SNPH: variants seen among roughly 807,000 people sequenced by gnomAD.
SNPH encodes the protein syntaphilin.
SNPH carries 10 observed loss-of-function variants against 36.8 expected under a neutral mutation model. The observed-to-expected ratio is 0.27, with a 90% CI of 0.17 to 0.46. The LOEUF (loss-of-function observed/expected upper bound fraction) is 0.46, where lower values mean the gene tolerates loss of function less well. SNPH is among the 20% of genes least tolerant of loss of function. The pLI, the probability that SNPH is intolerant of heterozygous loss-of-function variation, is 1.00. For synonymous variants in SNPH, 281 were observed against 312.2 expected, an observed-to-expected ratio of 0.90 and a Z score of 1.05; for missense variants, 622 against 744.0, an observed-to-expected ratio of 0.84 and a Z score of 1.91.
rs1420386705 is a variant in SNPH, at chr20:1,296,430, C to T, written c.182+9C>T. ...TCTGCTGGATCACGCAGGTGAGTCTCCCCCTCGCTCACAGCCTAGGCTTCG... is the reference window on the plus strand; with the variant it reads ...TCTGCTGGATCACGCAGGTGAGTCTTCCCCTCGCTCACAGCCTAGGCTTCG... On this transcript the variant is annotated intron_variant, in intron 4 of 6. Coordinates refer to ENST00000381867, the MANE Select transcript of SNPH (RefSeq NM_001318234.2). 3 of 1,587,520 alleles carry T rather than the reference C, an allele frequency of 1.9e-6. No individual in the cohort carries two copies. The highest frequency in any genetic ancestry group is 2.6e-6 in the Non-Finnish European group (3 of 1,169,272).
At chr20:1,272,932 C>T (rs2088089486) in intron 2 of SNPH, among the ~76,000 whole-genome samples, 1 of 152,244 alleles carries the variant, frequency 6.6e-6, no homozygotes, top group Non-Finnish European at 1.5e-5. Context: ...AGCCACGCCT[C>T]CCTACCACAG....
chr20:1,289,554 CACAA>C (rs2088329180), intron 2 of SNPH, among the ~76,000 whole-genome samples: 1 of 106,800 alleles, frequency 9.4e-6, no homozygotes, highest in African/African-American at 3.4e-5. Flanking sequence ...CACACACACA[CACAA>C]TGGAGTCAGG....
intron 2 of SNPH, among the ~76,000 whole-genome samples, chr20:1,291,006 A>T (rs2088354213): frequency 6.6e-6 from 1 of 152,258 alleles, no homozygotes; most frequent in Non-Finnish European, 1.5e-5. Flanking sequence ...AACACATACG[A>T]GAGGAGCCTC....
At chr20:1,275,224 C>T (rs943143494) in intron 2 of SNPH, among the ~76,000 whole-genome samples, 3 of 152,186 alleles carry the variant, frequency 2.0e-5, no homozygotes, top group Non-Finnish European at 4.4e-5. Context: ...AATTGTGTTA[C>T]CCCCTGGGCC....
At chr20:1,277,747 CTGTGTG>C (rs748590263) in intron 2 of SNPH, among the ~76,000 whole-genome samples, 1 of 99,538 alleles carries the variant, frequency 1.0e-5, no homozygotes, top group Non-Finnish European at 2.0e-5. Context: ...TGTCGTGTGT[CTGTGTG>C]TGTGTGTGTC....
chr20:1,277,680 C>T (rs1436882009), intron 2 of SNPH, among the ~76,000 whole-genome samples: 3 of 94,026 alleles, frequency 3.2e-5, no homozygotes, highest in African/African-American at 1.3e-4. Context: ...CCGTGTGTGT[C>T]CATGTGTGTG....
chr20:1,290,085 GC>G (rs2088338809), intron 2 of SNPH, among the ~76,000 whole-genome samples: 1 of 151,832 alleles, frequency 6.6e-6, no homozygotes, highest in South Asian at 2.1e-4. Flanking sequence ...GGTTGTGCGT[GC>G]CTGTAATCCC....
Position 1,266,649 on chromosome 20 carries a change from C to A in SNPH, c.-599-5C>A. ...CCGGTCTATCTCTTTTTCCTAACCCCGCAGGTCGCTGATCAGGGCCAGGCG... is the reference window on the plus strand; with the variant it reads ...CCGGTCTATCTCTTTTTCCTAACCCAGCAGGTCGCTGATCAGGGCCAGGCG... On this transcript the variant is annotated splice_region_variant and splice_polypyrimidine_tract_variant and intron_variant, in intron 1 of 6. Coordinates refer to ENST00000381867, the MANE Select transcript of SNPH (RefSeq NM_001318234.2). This position sits in a 1 kb window ranked among gnomAD's most constrained non-coding sequence, Gnocchi z 6.0. 1 of 1,488,298 alleles carries A rather than the reference C, an allele frequency of 6.7e-7. No homozygotes were observed. The highest frequency in any genetic ancestry group is 1.3e-5 in the South Asian group (1 of 77,276). The allele number at this position is 1,488,298 out of a possible 1,614,324, so 92.2% of individuals were successfully genotyped here.
rs2122381022 is a variant in SNPH, at chr20:1,294,231, TG to T, written c.-492-717del. On this transcript the variant is annotated intron_variant, in intron 2 of 6. Transcript: ENST00000381867. This position sits in a 1 kb window ranked among gnomAD's most constrained non-coding sequence, Gnocchi z 4.4. ...CTTGAAGGATTGCTGCTTCAAGTAA[TG>T]GGCCAAGGCAGACGAGAGCACTCAG... Among the ~76,000 whole-genome samples the T allele has an allele frequency of 6.6e-6, 1 of 152,272 alleles. No homozygotes were observed. The highest frequency in any genetic ancestry group is 1.9e-4 in the East Asian group (1 of 5,174).
At chr20:1,277,878 T>C (rs1350367928) in intron 2 of SNPH, among the ~76,000 whole-genome samples, 9 of 145,130 alleles carry the variant, frequency 6.2e-5, no homozygotes, top group Admixed American at 6.2e-4. Context: ...TGTGTCTGTC[T>C]GTGCCGATGT....
chr20:1,266,431 A>T lies in SNPH; in HGVS notation c.-600+34A>T. On this transcript the variant is annotated intron_variant, in intron 1 of 6. Coordinates refer to ENST00000381867, the MANE Select transcript of SNPH (RefSeq NM_001318234.2). The surrounding 1 kb of genome is among the most constrained non-coding windows in gnomAD (Gnocchi z 6.0). ...AAGGACCCCGGGGATCTCCGGGCCC[A>T]CCGCCCAGCTGCACCCGCCGCAGTC... is the stretch of plus-strand genomic sequence containing the variant. 1 of 538,168 alleles carries T rather than the reference A, an allele frequency of 1.9e-6. No homozygotes were observed. The highest frequency in any genetic ancestry group is 3.0e-6 in the Non-Finnish European group (1 of 335,106). The allele number at this position is 538,168 out of a possible 1,614,324, so 33.3% of individuals were successfully genotyped here. A position where few individuals can be genotyped will look rare whatever the true frequency, so the allele number is the denominator to read the frequency against.
At chr20:1,278,221 T>G (rs1325510576) in intron 2 of SNPH, among the ~76,000 whole-genome samples, 1 of 151,950 alleles carries the variant, frequency 6.6e-6, no homozygotes, top group African/African-American at 2.4e-5. Flanking sequence ...TGTGTGTTTG[T>G]GTGTCAGTGT....
At chr20:1,299,330 C>G (rs370638382) in intron 5 of SNPH, among the ~76,000 whole-genome samples, 28 of 152,332 alleles carry the variant, frequency 1.8e-4, no homozygotes, top group African/African-American at 6.7e-4. Flanking sequence ...GCCAGTCACT[C>G]TCCCCTCAAG....
At chr20:1,280,356 A>G (rs1055391631) in intron 2 of SNPH, among the ~76,000 whole-genome samples, 1 of 152,236 alleles carries the variant, frequency 6.6e-6, no homozygotes, top group Non-Finnish European at 1.5e-5. Flanking sequence ...CCTTGAGGCT[A>G]CACACAAGCA....
rs1490851366 is a variant in SNPH at position 1,309,163 on chromosome 20, C to T, written c.*3109C>T. The T allele has an allele frequency of 6.6e-6, 1 of 152,650 alleles. No homozygotes were observed. The highest frequency in any genetic ancestry group is 6.5e-5 in the Admixed American group (1 of 15,294). 9.5% of individuals were successfully genotyped at this position (152,650 alleles called of 1,614,324 possible). A position where few individuals can be genotyped will look rare whatever the true frequency, so the allele number is the denominator to read the frequency against. On this transcript the variant is annotated 3_prime_UTR_variant, in exon 7 of 7. Coordinates refer to ENST00000381867, the MANE Select transcript of SNPH (RefSeq NM_001318234.2). ...GACCTGGGGGACAATGCAAACAGGTCACAGTGCATTCCCATATTAGGCCAT... is the reference window on the plus strand; with the variant it reads ...GACCTGGGGGACAATGCAAACAGGTTACAGTGCATTCCCATATTAGGCCAT...
chr20:1,282,226 C>A (rs1221009931), intron 2 of SNPH, among the ~76,000 whole-genome samples: 1 of 152,140 alleles, frequency 6.6e-6, no homozygotes, highest in Non-Finnish European at 1.5e-5. Flanking sequence ...TATCAGGGAA[C>A]CAGCCTAAAG....
intron 5 of SNPH, among the ~76,000 whole-genome samples, chr20:1,299,319 T>C (rs901764538): frequency 8.5e-5 from 13 of 152,174 alleles, no homozygotes; most frequent in African/African-American, 3.1e-4. Flanking sequence ...TCCCTAGACC[T>C]GCCAGTCACT....
intron 2 of SNPH, among the ~76,000 whole-genome samples, chr20:1,283,143 C>T (rs1432521495): frequency 6.6e-6 from 1 of 152,204 alleles, no homozygotes; most frequent in African/African-American, 2.4e-5. Flanking sequence ...CAGCCTTTTC[C>T]TGAAAAGGAT....
rs1326885415 is a variant in SNPH at position 1,266,775 on chromosome 20, G to A, written c.-493+15G>A. 4 of 1,345,536 alleles carry A rather than the reference G, an allele frequency of 3.0e-6. No homozygotes were observed. The African/African-American group carries it at 4.6e-5, about 16-fold the overall frequency. 83.3% of individuals were successfully genotyped at this position (1,345,536 alleles called of 1,614,324 possible). A position where few individuals can be genotyped will look rare whatever the true frequency, so the allele number is the denominator to read the frequency against. ...AGTGGACTCAGGTGAGGAGGCCGCG[G>A]CGGAGCGGGGAGCTGGCCCTGCGCT... On this transcript the variant is annotated intron_variant, in intron 2 of 6. Transcript: ENST00000381867. The surrounding 1 kb of genome is among the most constrained non-coding windows in gnomAD (Gnocchi z 6.0).
Sources: allele counts gnomAD v4.1 joint callset (sites outside exome capture counted in the v4.1 genomes callset), GRCh38; gene constraint gnomAD v4.1.1; non-coding constraint Gnocchi (gnomAD v3.1); transcripts MANE v1.5; gene names NCBI Gene and HGNC (gene_info 2026-07-23, HGNC 2026-07-21).